Variants in BORCS5 observed in about 807,000 individuals in gnomAD.
BORCS5 encodes BLOC-1-related complex subunit 5.
A neutral mutation model predicts 22.1 loss-of-function variants in BORCS5; 17 were observed. The observed-to-expected ratio is 0.77, with a 90% CI of 0.53 to 1.15. The LOEUF (loss-of-function observed/expected upper bound fraction) is 1.15. Among genes scored for constraint, BORCS5 ranks in the 50% most tolerant of loss-of-function variants. The pLI, the probability that BORCS5 is intolerant of heterozygous loss-of-function variation, is 0.00. For missense variants in BORCS5, 247 were observed against 253.2 expected (o/e 0.98, Z 0.17); for synonymous variants, 117 against 99.8 (o/e 1.17, Z -1.03).
intron 2 of BORCS5, among the ~76,000 whole-genome samples, chr12:12,422,027 A>G (rs1942137842): frequency 6.6e-6 from 1 of 151,906 alleles, no homozygotes; most frequent in Non-Finnish European, 1.5e-5. Context: ...GATTTTTTTT[A>G]AGGGTTTTTA....
intron 3 of BORCS5, among the ~76,000 whole-genome samples, chr12:12,448,223 T>A (rs60022096): frequency 0.19 from 29,601 of 152,100 alleles, 3,792 homozygotes; most frequent in African/African-American, 0.37. Flanking sequence ...ATTTATTTAT[T>A]TATTTTTTGA....
At chr12:12,447,481 C>T (rs561881588) in intron 3 of BORCS5, among the ~76,000 whole-genome samples, 130 of 152,302 alleles carry the variant, frequency 8.5e-4, no homozygotes, top group Non-Finnish European at 1.5e-3. Flanking sequence ...GGCCTCTGGA[C>T]TCTAGATCAG....
rs1863328976 is a variant in BORCS5 at position 12,363,149 on chromosome 12, T to C, written c.202+1800T>C. ...TGTCTCAACAGATAATACAAAAAATTAGCCAGGCATGGTGGCACATACCTG... is the reference window on the plus strand; with the variant it reads ...TGTCTCAACAGATAATACAAAAAATCAGCCAGGCATGGTGGCACATACCTG... On this transcript the variant is annotated intron_variant, in intron 2 of 3. Transcript: ENST00000314565. Among the ~76,000 whole-genome samples, 4 of 151,680 alleles carry C rather than the reference T, an allele frequency of 2.6e-5. No homozygotes were observed. In the South Asian group the frequency reaches 6.2e-4, roughly 24 times the overall value.
chr12:12,416,530 A>G (rs1424109853), intron 2 of BORCS5, among the ~76,000 whole-genome samples: 3 of 151,872 alleles, frequency 2.0e-5, no homozygotes, highest in Non-Finnish European at 4.4e-5. Context: ...TGTAGCCTCG[A>G]ACTCCTGGAC....
Position 12,438,371 on chromosome 12 carries a change from A to AAAAAAAAAAAAAAAAAAAC in BORCS5, c.360+2595_360+2596insAAAAAAAAACAAAAAAAAA, listed in dbSNP as rs1565915549. Among the ~76,000 whole-genome samples the AAAAAAAAAAAAAAAAAAAC allele has an allele frequency of 2.2e-3, 261 of 117,008 alleles. 6 individuals are homozygous for AAAAAAAAAAAAAAAAAAAC. Among genetic ancestry groups the AAAAAAAAAAAAAAAAAAAC allele is most frequent in the African/African-American group, 0.011 (246 of 22,310 alleles). 76.8% of individuals were successfully genotyped at this position (117,008 alleles called of 152,430 possible). On this transcript the variant is annotated intron_variant, in intron 3 of 3. Coordinates refer to ENST00000314565, the MANE Select transcript of BORCS5 (RefSeq NM_058169.6). Reference sequence around the variant, plus strand: ...GCCAGATTTCATCTCAAAAAAAAAAAAAAAAAAAACGAAAAACAACAACAA... The same window carrying AAAAAAAAAAAAAAAAAAAC: ...GCCAGATTTCATCTCAAAAAAAAAAAAAAAAAAAAAAAAAAAAACAAAAAAAAACGAAAAACAACAACAA...
At chr12:12,453,857 C>T (rs1942955987) in intron 3 of BORCS5, among the ~76,000 whole-genome samples, 1 of 152,174 alleles carries the variant, frequency 6.6e-6, no homozygotes, top group African/African-American at 2.4e-5. Flanking sequence ...CCCCTATCCC[C>T]TGGCAACTAC....
chr12:12,385,057 G>A (rs1050525527), intron 2 of BORCS5, among the ~76,000 whole-genome samples: 7 of 151,414 alleles, frequency 4.6e-5, no homozygotes, highest in Non-Finnish European at 1.0e-4. Flanking sequence ...ATGGCTCTGC[G>A]TGGCAGGGTA....
intron 2 of BORCS5, among the ~76,000 whole-genome samples, chr12:12,402,324 C>T (rs1412611482): frequency 1.3e-5 from 2 of 152,088 alleles, no homozygotes; most frequent in Non-Finnish European, 2.9e-5. Context: ...GAGAGCAAAA[C>T]AACATGCTTA....
At chr12:12,386,103 C>T (rs1204816196) in intron 2 of BORCS5, among the ~76,000 whole-genome samples, 7 of 150,504 alleles carry the variant, frequency 4.7e-5, no homozygotes, top group East Asian at 3.9e-4. Context: ...TGAGTTCAAG[C>T]GATTCTCGTA....
intron 2 of BORCS5, among the ~76,000 whole-genome samples, chr12:12,417,230 GTT>G (rs1321709382): frequency 1.3e-5 from 2 of 151,994 alleles, no homozygotes; most frequent in African/African-American, 4.8e-5. Flanking sequence ...TCTGTTGGTT[GTT>G]TTAGTATGTT....
intron 2 of BORCS5, among the ~76,000 whole-genome samples, chr12:12,425,733 T>C (rs116838147): frequency 0.011 from 1,616 of 152,344 alleles, 28 homozygotes; most frequent in African/African-American, 0.037. Context: ...GCCTTCCTTA[T>C]AAATAACTCC....
chr12:12,468,177 T>C lies in BORCS5; in HGVS notation c.*2401T>C, dbSNP rs4763288. ...GAACCGAGACTTTCACCAGCCCCTCTAATTGCTCAAACCGCTTTCACAATC... is the reference window on the plus strand; with the variant it reads ...GAACCGAGACTTTCACCAGCCCCTCCAATTGCTCAAACCGCTTTCACAATC... On this transcript the variant is annotated 3_prime_UTR_variant, in exon 4 of 4. Coordinates refer to ENST00000314565, the MANE Select transcript of BORCS5 (RefSeq NM_058169.6). 0.073 allele frequency: 11,153 copies of C among 152,300 alleles called. 441 individuals carry two copies. The highest frequency in any genetic ancestry group is 0.099 in the Middle Eastern group (29 of 294). 9.4% of individuals were successfully genotyped at this position (152,300 alleles called of 1,614,324 possible). A position where few individuals can be genotyped will look rare whatever the true frequency, so the allele number is the denominator to read the frequency against.
chr12:12,452,280 A>T, intron 3 of BORCS5: 1 of 784,202 alleles, frequency 1.3e-6, no homozygotes, highest in African/African-American at 1.7e-5. Context: ...TTGTGTAACA[A>T]TCCCATTCAT....
intron 3 of BORCS5, among the ~76,000 whole-genome samples, chr12:12,447,032 T>G (rs925009962): frequency 1.3e-5 from 2 of 152,170 alleles, no homozygotes; most frequent in African/African-American, 4.8e-5. Context: ...TCTTCCTGTA[T>G]CCCAAAGTCC....
At chr12:12,392,732 T>C (rs1941228437) in intron 2 of BORCS5, among the ~76,000 whole-genome samples, 1 of 152,134 alleles carries the variant, frequency 6.6e-6, no homozygotes, top group Admixed American at 6.5e-5. Context: ...ACCATTCAAA[T>C]TATTATAGAA....
At chr12:12,390,590 C>T (rs542918205) in intron 2 of BORCS5, among the ~76,000 whole-genome samples, 1 of 150,656 alleles carries the variant, frequency 6.6e-6, no homozygotes, top group South Asian at 2.1e-4. Flanking sequence ...AATTTGAGAC[C>T]AGCCTGGTCA....
chr12:12,435,013 A>G (rs1056324575), intron 2 of BORCS5, among the ~76,000 whole-genome samples: 5 of 152,208 alleles, frequency 3.3e-5, no homozygotes, highest in Non-Finnish European at 7.3e-5. Flanking sequence ...ATAATCCCCT[A>G]TGCAAATACA....
chr12:12,430,862 T>G (rs1262551289), intron 2 of BORCS5, among the ~76,000 whole-genome samples: 1 of 152,112 alleles, frequency 6.6e-6, no homozygotes, highest in African/African-American at 2.4e-5. Flanking sequence ...TTTTAAAAAT[T>G]TTATCTTATG....
intron 2 of BORCS5, among the ~76,000 whole-genome samples, chr12:12,425,335 T>C (rs1445266201): frequency 6.6e-6 from 1 of 152,216 alleles, no homozygotes; most frequent in East Asian, 1.9e-4. Context: ...AGTGCAATTA[T>C]TTAGTTGGGA....
Sources: gnomAD v4.1 joint callset for allele counts (sites outside exome capture counted in the v4.1 genomes callset) on GRCh38, gnomAD v4.1.1 for gene constraint, MANE v1.5 for transcripts, NCBI Gene and HGNC (gene_info 2026-07-23, HGNC 2026-07-21) for gene names.